The following PDE11A variants were observed in gnomAD, a reference collection of about 807,000 sequenced individuals.
The protein encoded by PDE11A is phosphodiesterase 11A, also known as dual 3',5'-cyclic-AMP and -GMP phosphodiesterase 11A.
In PDE11A, 100 loss-of-function variants were observed where a neutral mutation model predicts 100.5. The observed-to-expected ratio is 1.00, with a 90% CI of 0.85 to 1.18. The LOEUF (loss-of-function observed/expected upper bound fraction) is 1.18. Among genes scored for constraint, PDE11A ranks in the 50% most tolerant of loss-of-function variants. The probability of loss-of-function intolerance (pLI) is 0.00; values close to 1 mark genes in which losing one functional copy is unlikely to be tolerated. For synonymous variants in PDE11A, 381 were observed against 420.8 expected (o/e 0.91, Z 1.16); for missense variants, 1,141 against 1,152.6 (o/e 0.99, Z 0.15).
At chr2:177,834,059 G>A (rs904681491) in intron 6 of PDE11A, among the ~76,000 whole-genome samples, 1 of 152,186 alleles carries the variant, frequency 6.6e-6, no homozygotes, top group Non-Finnish European at 1.5e-5. Context: ...TTGGGAGGTG[G>A]AAACCTGCTT....
At chr2:178,101,642 C>T (rs2087559867) in intron 2 of PDE11A, among the ~76,000 whole-genome samples, 2 of 152,132 alleles carry the variant, frequency 1.3e-5, no homozygotes, top group Non-Finnish European at 2.9e-5. Context: ...GGAAGTTCAC[C>T]GCAATTCATC....
chr2:177,941,432 G>A (rs1207102601), intron 2 of PDE11A, among the ~76,000 whole-genome samples: 2 of 152,018 alleles, frequency 1.3e-5, no homozygotes, highest in African/African-American at 2.4e-5. Context: ...TAGCAGCATG[G>A]CAATTTTTCC....
chr2:177,839,160 A>T (rs2083448651), intron 6 of PDE11A, among the ~76,000 whole-genome samples: 1 of 152,214 alleles, frequency 6.6e-6, no homozygotes, highest in Non-Finnish European at 1.5e-5. Context: ...CTTTGACCCC[A>T]GCCTCCCTGC....
At chr2:177,742,247 T>G (rs1189154903) in intron 10 of PDE11A, among the ~76,000 whole-genome samples, 1 of 151,924 alleles carries the variant, frequency 6.6e-6, no homozygotes, top group Non-Finnish European at 1.5e-5. Context: ...AAACTATACA[T>G]GACTATCCTG....
intron 15 of PDE11A, among the ~76,000 whole-genome samples, chr2:177,692,003 C>G (rs1174736767): frequency 6.6e-6 from 1 of 152,134 alleles, no homozygotes; most frequent in Non-Finnish European, 1.5e-5. Flanking sequence ...ATATTTAAGG[C>G]AACTTGAATC....
chr2:177,761,143 C>T (rs1321356032), intron 10 of PDE11A, among the ~76,000 whole-genome samples: 1 of 152,120 alleles, frequency 6.6e-6, no homozygotes, highest in Admixed American at 6.6e-5. Flanking sequence ...GGGCAAGGGG[C>T]TTTTGCCTCC....
At chr2:177,957,110 T>C (rs2085574936) in intron 2 of PDE11A, among the ~76,000 whole-genome samples, 1 of 151,304 alleles carries the variant, frequency 6.6e-6, no homozygotes, top group Non-Finnish European at 1.5e-5. Context: ...AACAAGGGGC[T>C]GGTCCATAGA....
In PDE11A at chr2:177,737,405, C is replaced by T. The variant is rs1020095065; in HGVS notation, c.1789-9233G>A. Among the ~76,000 whole-genome samples, 23 of 60,124 alleles carry T rather than the reference C, an allele frequency of 3.8e-4. 1 individual carries two copies. The highest frequency in any genetic ancestry group is 7.4e-3 in the Middle Eastern group (1 of 136). The allele number at this position is 60,124 out of a possible 152,430, so 39.4% of individuals were successfully genotyped here. ...CATCCTGGCTAACACAGTGAAACCC[C>T]GTCTCTACTAAAAATACACACACAC... is the stretch of plus-strand genomic sequence containing the variant. On this transcript the variant is annotated intron_variant, in intron 10 of 19. Coordinates refer to ENST00000286063, the MANE Select transcript of PDE11A (RefSeq NM_016953.4).
chr2:177,899,881 A>G (rs2084670795), intron 3 of PDE11A, among the ~76,000 whole-genome samples: 1 of 151,460 alleles, frequency 6.6e-6, no homozygotes, highest in Admixed American at 6.6e-5. Context: ...ATATTTATAT[A>G]TCAGGAAAGA....
intron 19 of PDE11A, among the ~76,000 whole-genome samples, chr2:177,659,984 T>G (rs1303371370): frequency 6.6e-6 from 1 of 152,222 alleles, no homozygotes; most frequent in Admixed American, 6.5e-5. Flanking sequence ...GGCTTCCTGA[T>G]TAAAAGGCTG....
intron 5 of PDE11A, among the ~76,000 whole-genome samples, chr2:177,869,579 A>C (rs2084092149): frequency 1.3e-5 from 2 of 152,192 alleles, no homozygotes; most frequent in Non-Finnish European, 1.5e-5. Flanking sequence ...TCACCTAGAC[A>C]ATCCAGAATA....
intron 2 of PDE11A, among the ~76,000 whole-genome samples, chr2:177,979,053 TGTACC>T (rs2085843389): frequency 2.4e-5 from 3 of 126,744 alleles, no homozygotes; most frequent in African/African-American, 9.1e-5. Context: ...AATGTGCACA[TGTACC>T]CTAAAACTTA....
At chr2:177,737,878 G>A (rs1253894940) in intron 10 of PDE11A, among the ~76,000 whole-genome samples, 1 of 152,196 alleles carries the variant, frequency 6.6e-6, no homozygotes, top group African/African-American at 2.4e-5. Flanking sequence ...ACCACTGTAG[G>A]CAGTAACTGG....
At chr2:177,656,407 TA>T (rs2080384622) in intron 19 of PDE11A, among the ~76,000 whole-genome samples, 1 of 152,226 alleles carries the variant, frequency 6.6e-6, no homozygotes, top group Admixed American at 6.5e-5. Context: ...TAGGTTTGTG[TA>T]AGTACACTCT....
chr2:177,690,225 A>AATGTT (rs2081023055), intron 15 of PDE11A, among the ~76,000 whole-genome samples: 1 of 152,214 alleles, frequency 6.6e-6, no homozygotes, highest in Non-Finnish European at 1.5e-5. Flanking sequence ...CTGCTGACCT[A>AATGTT]ATGTTATAAT....
upstream of PDE11A, chr2:178,072,804 G>A (rs1479746713): frequency 6.6e-6 from 8 of 1,218,980 alleles, no homozygotes; most frequent in African/African-American, 4.7e-5. Flanking sequence ...GTGACAGGGA[G>A]GTAGGGCAGG....
At chr2:177,889,803 C>T (rs1214893770) in intron 4 of PDE11A, among the ~76,000 whole-genome samples, 5 of 151,832 alleles carry the variant, frequency 3.3e-5, no homozygotes, top group African/African-American at 1.2e-4. Flanking sequence ...CTTTCTTGAA[C>T]AACTTTATTT....
chr2:177,744,699 G>A (rs1574099997), intron 10 of PDE11A, among the ~76,000 whole-genome samples: 1 of 152,152 alleles, frequency 6.6e-6, no homozygotes, highest in African/African-American at 2.4e-5. Context: ...ATTGCCATGT[G>A]ACCCAGGGCC....
chr2:177,642,951 T>C (rs550058815), intron 19 of PDE11A, among the ~76,000 whole-genome samples: 1 of 152,332 alleles, frequency 6.6e-6, no homozygotes, highest in South Asian at 2.1e-4. Context: ...CTCTCTCTCT[T>C]TGCCTGCTGC....
Sources: gnomAD v4.1 joint callset for allele counts (sites outside exome capture counted in the v4.1 genomes callset) on GRCh38, gnomAD v4.1.1 for gene constraint, MANE v1.5 for transcripts, NCBI Gene and HGNC (gene_info 2026-07-23, HGNC 2026-07-21) for gene names.